The following TCAF2 variants were observed in gnomAD, a reference collection of about 807,000 sequenced individuals.
The protein encoded by TCAF2 is TRPM8 channel associated factor 2.
A neutral mutation model predicts 33.9 loss-of-function variants in TCAF2; 6 were observed. The observed-to-expected ratio is 0.18, with a 90% CI of 0.10 to 0.35. The LOEUF is 0.35. Ranked by LOEUF, TCAF2 falls within the 10% of genes least tolerant of loss-of-function variation. The probability of loss-of-function intolerance (pLI) is 1.00; values close to 1 mark genes in which losing one functional copy is unlikely to be tolerated. For missense variants in TCAF2, 109 were observed against 604.0 expected, an observed-to-expected ratio of 0.18 and a Z score of 8.59; for synonymous variants, 41 against 247.8, an observed-to-expected ratio of 0.17 and a Z score of 7.84.
Position 143,730,330 on chromosome 7 carries a change from G to C in TCAF2, c.*2663G>C, listed in dbSNP as rs1337425597. Reference sequence around the variant, plus strand: ...TGGCATGAGATGGTACCCCATTGTGGTTTTGATTTACATTTCCCTAATGAC... The same window carrying C: ...TGGCATGAGATGGTACCCCATTGTGCTTTTGATTTACATTTCCCTAATGAC... On this transcript the variant is annotated 3_prime_UTR_variant, in exon 8 of 8. Coordinates refer to ENST00000684770, the MANE Select transcript of TCAF2 (RefSeq NM_001363538.2). 6.6e-6 allele frequency: 1 copy of C among 152,042 alleles called. No individual in the cohort carries two copies. The highest frequency in any genetic ancestry group is 1.5e-5 in the Non-Finnish European group (1 of 68,006). 9.4% of individuals were successfully genotyped at this position (152,042 alleles called of 1,614,324 possible). A position where few individuals can be genotyped will look rare whatever the true frequency, so the allele number is the denominator to read the frequency against.
chr7:143,718,461 A>G (rs1024305067), intron 2 of TCAF2, among the ~76,000 whole-genome samples: 1 of 151,862 alleles, frequency 6.6e-6, no homozygotes, highest in African/African-American at 2.4e-5. Context: ...GGTATCCTGG[A>G]ATCTAATTTT....
intron 7 of TCAF2, among the ~76,000 whole-genome samples, chr7:143,725,914 G>A (rs1307693097): frequency 7.0e-6 from 1 of 141,852 alleles, no homozygotes; most frequent in Non-Finnish European, 1.5e-5. Flanking sequence ...CCGTGCCACT[G>A]CTGCCTTAGC....
chr7:143,726,154 C>T (rs2116534913), intron 7 of TCAF2, among the ~76,000 whole-genome samples: 1 of 151,738 alleles, frequency 6.6e-6, no homozygotes, highest in South Asian at 2.1e-4. Context: ...CCTCTAGCTA[C>T]ATCTCCTACT....
chr7:143,701,811 ATTTTATTTTATTT>A (rs1200215455), intron 1 of TCAF2, among the ~76,000 whole-genome samples: 26 of 117,070 alleles, frequency 2.2e-4, no homozygotes, highest in African/African-American at 8.3e-4. Context: ...ATTTTATTTT[ATTTTATTTTATTT>A]TATTTTTTGA....
intron 1 of TCAF2, among the ~76,000 whole-genome samples, chr7:143,647,829 T>C (rs1464650759): frequency 3.0e-4 from 43 of 141,728 alleles, no homozygotes; most frequent in African/African-American, 1.0e-3. Flanking sequence ...ATTTAAGGCA[T>C]ATTTTTTCAC....
chr7:143,707,553 CCATGTGTG>C (rs1809248771), intron 2 of TCAF2, among the ~76,000 whole-genome samples: 1 of 137,620 alleles, frequency 7.3e-6, no homozygotes. Context: ...AGGGAATGAG[CCATGTGTG>C]CATCTGTGGG....
rs1327313717 is a variant in TCAF2, at chr7:143,730,389, C to G, written c.*2722C>G. The stretch of plus-strand genomic sequence containing the variant: ...ATGAGCTTTTTTTCATGTTTATTGG[C>G]CACATAAATGTCTTCTTTTGAGAAG... On this transcript the variant is annotated 3_prime_UTR_variant, in exon 8 of 8. Coordinates refer to ENST00000684770, the MANE Select transcript of TCAF2 (RefSeq NM_001363538.2). The G allele has an allele frequency of 6.6e-6, 1 of 152,114 alleles. No individual in the cohort carries two copies. The highest frequency in any genetic ancestry group is 6.6e-5 in the Admixed American group (1 of 15,254). The allele number at this position is 152,114 out of a possible 1,614,324, so 9.4% of individuals were successfully genotyped here.
In TCAF2 at chr7:143,703,225, TCTC is replaced by T; in HGVS notation, c.235_237del (p.Leu79del). 1.4e-6 allele frequency: 2 copies of T among 1,480,974 alleles called. No individual in the cohort carries two copies. Among genetic ancestry groups the T allele is most frequent in the Non-Finnish European group, 1.8e-6 (2 of 1,124,992 alleles). 91.7% of individuals were successfully genotyped at this position (1,480,974 alleles called of 1,614,324 possible). ...TGTCGCATACTGGCTTGGCTCCATTTCTCCTCAATGCAGTGAGCTGGCTCTGTC... is the reference window on the plus strand; with the variant it reads ...TGTCGCATACTGGCTTGGCTCCATTTCTCAATGCAGTGAGCTGGCTCTGTC... On this transcript the variant is annotated inframe_deletion, in exon 2 of 8. Coordinates refer to ENST00000684770, the MANE Select transcript of TCAF2 (RefSeq NM_001363538.2).
Position 143,724,528 on chromosome 7 carries a change from G to C in TCAF2, c.2336G>C (p.Cys779Ser). ...CCCCCACACACTACTGAGGCCACCT[G>C]TAACCTTTGGTCAGTCTACGTGCAT... ...EFPPHTTEAT[C>S]NLWSVYVHET... The change falls in exon 7 of 8, where the codon TGT (cysteine) becomes TCT (serine). Residue 779 changes from cysteine (C) to serine (S), a missense_variant. Coordinates refer to ENST00000684770, the MANE Select transcript of TCAF2 (RefSeq NM_001363538.2). The C allele has an allele frequency of 6.2e-7, 1 of 1,610,810 alleles. No individual in the cohort carries two copies. The highest frequency in any genetic ancestry group is 8.5e-7 in the Non-Finnish European group (1 of 1,179,376).
intron 1 of TCAF2, among the ~76,000 whole-genome samples, chr7:143,647,798 A>G (rs1809085604): frequency 7.8e-6 from 1 of 128,646 alleles, no homozygotes; most frequent in African/African-American, 2.7e-5. Context: ...TTAGCATGCT[A>G]ATATCATTTA....
At position 143,729,340 on chromosome 7, in the gene TCAF2, G is replaced by T. The variant is rs1324393634; in HGVS notation, c.*1673G>T. 4 of 152,150 alleles carry T rather than the reference G, an allele frequency of 2.6e-5. No individual in the cohort carries two copies. Among genetic ancestry groups the T allele is most frequent in the African/African-American group, 7.2e-5 (3 of 41,430 alleles). 9.4% of individuals were successfully genotyped at this position (152,150 alleles called of 1,614,324 possible). A position where few individuals can be genotyped will look rare whatever the true frequency, so the allele number is the denominator to read the frequency against. On this transcript the variant is annotated 3_prime_UTR_variant, in exon 8 of 8. Coordinates refer to ENST00000684770, the MANE Select transcript of TCAF2 (RefSeq NM_001363538.2). ...TGAAGCCCATAGCAATGAAAACATTGTGGAACTTATTCTTCATGAATGGTT... is the reference window on the plus strand; with the variant it reads ...TGAAGCCCATAGCAATGAAAACATTTTGGAACTTATTCTTCATGAATGGTT...
intron 2 of TCAF2, among the ~76,000 whole-genome samples, chr7:143,718,413 T>A (rs902571352): frequency 2.8e-4 from 42 of 151,476 alleles, no homozygotes; most frequent in Non-Finnish European, 4.7e-4. Flanking sequence ...CTTGGTTTTT[T>A]ATTTTTTTTA....
chr7:143,724,793 A>G (rs1809633922), intron 7 of TCAF2, 96 bp downstream of exon 7: 1 of 1,551,466 alleles, frequency 6.4e-7, no homozygotes, highest in Non-Finnish European at 8.7e-7. Context: ...TCGCCACTCC[A>G]CCAGCCTGGA....
In TCAF2 at chr7:143,729,127, G is replaced by A. The variant is rs1466318438; in HGVS notation, c.*1460G>A. On this transcript the variant is annotated 3_prime_UTR_variant, in exon 8 of 8. Coordinates refer to ENST00000684770, the MANE Select transcript of TCAF2 (RefSeq NM_001363538.2). ...AGTAATGACACCTAACACATAATGA[G>A]TGATTAGTATGTTCCAGGCATTGCG... 1 of 152,166 alleles carries A rather than the reference G, an allele frequency of 6.6e-6. No homozygotes were observed. Among genetic ancestry groups the A allele is most frequent in the Non-Finnish European group, 1.5e-5 (1 of 68,046 alleles). The allele number at this position is 152,166 out of a possible 1,614,324, so 9.4% of individuals were successfully genotyped here. A position where few individuals can be genotyped will look rare whatever the true frequency, so the allele number is the denominator to read the frequency against.
rs748344154 is a variant in TCAF2, at chr7:143,724,605, C to G, written c.2413C>G (p.Pro805Ala). Residue 805 changes from proline to alanine, a missense_variant, in exon 7 of 8, where the codon CCA becomes GCA. Coordinates refer to ENST00000684770, the MANE Select transcript of TCAF2 (RefSeq NM_001363538.2). The part of the protein sequence containing the change: ...RAQAHEALSP[P>A]ERERRIKAHL... ...TCAGGCCCACGAGGCTCTGAGCCCTCCAGAGCGAGAGAGGAGAATCAAGGC... is the reference window on the plus strand; with the variant it reads ...TCAGGCCCACGAGGCTCTGAGCCCTGCAGAGCGAGAGAGGAGAATCAAGGC... The G allele has an allele frequency of 1.9e-6, 3 of 1,610,846 alleles. No individual in the cohort carries two copies. The highest frequency in any genetic ancestry group is 2.5e-6 in the Non-Finnish European group (3 of 1,179,568).
Position 143,703,131 on chromosome 7 carries a change from G to A in TCAF2, c.137G>A (p.Gly46Asp). 1.4e-6 allele frequency: 1 copy of A among 699,110 alleles called. No individual in the cohort carries two copies. Among genetic ancestry groups the A allele is most frequent in the Non-Finnish European group, 2.0e-6 (1 of 493,638 alleles). The allele number at this position is 699,110 out of a possible 1,614,324, so 43.3% of individuals were successfully genotyped here. ...TTCCCCGTGATGGTGAATGACAAGG[G>A]CCAGGTGCTCATTGCTGCCTCCTCC... ...AAFPVMVNDK[G>D]QVLIAASSYG... Residue 46 changes from glycine to aspartate, a missense_variant, in exon 2 of 8, where the codon GGC becomes GAC. Transcript: ENST00000684770.
chr7:143,719,503 C>A (rs1450522357), intron 2 of TCAF2, among the ~76,000 whole-genome samples, 180 bp from the exon 3 acceptor site: 7 of 149,516 alleles, frequency 4.7e-5, no homozygotes, highest in African/African-American at 1.5e-4. Flanking sequence ...AAAAAATATG[C>A]CTTAAACATG....
In TCAF2 at chr7:143,635,023, G is replaced by A. The variant is rs1430343931; in HGVS notation, c.-12+14003G>A. Among the ~76,000 whole-genome samples, 34 of 80,680 alleles carry A rather than the reference G, an allele frequency of 4.2e-4. 2 individuals carry two copies. Among genetic ancestry groups the A allele is most frequent in the African/African-American group, 1.1e-3 (24 of 20,890 alleles). The allele number at this position is 80,680 out of a possible 152,430, so 52.9% of individuals were successfully genotyped here. A position where few individuals can be genotyped will look rare whatever the true frequency, so the allele number is the denominator to read the frequency against. ...ATGTTATAGATCCTAAGAAAACATC[G>A]TTTCTAGATTCTAGTATTTCTGTCC... On this transcript the variant is annotated intron_variant, in intron 1 of 7. Coordinates refer to ENST00000684770, the MANE Select transcript of TCAF2 (RefSeq NM_001363538.2).
rs921495266 is a variant in TCAF2 at position 143,724,639 on chromosome 7, G to A, written c.2447G>A (p.Gly816Glu). The change falls in exon 7 of 8, where the codon GGA becomes GAA. Residue 816 changes from glycine (G) to glutamate (E), a missense_variant. By Grantham distance (98) the Gly-to-Glu change is moderately conservative (BLOSUM62 -2). Transcript: ENST00000684770. ...GAGAGGAGAATCAAGGCCCACCTGG[G>A]AAAGGGAGCCCCCCTGTGTGACTGG... ...ERERRIKAHL[G>E]KGAPLCDWNV... is the part of the protein sequence containing the mutation. 6.2e-7 allele frequency: 1 copy of A among 1,610,394 alleles called. No homozygotes were observed. Among genetic ancestry groups the A allele is most frequent in the Admixed American group, 1.7e-5 (1 of 59,850 alleles).
Sources: allele counts gnomAD v4.1 joint callset (sites outside exome capture counted in the v4.1 genomes callset), GRCh38; gene constraint gnomAD v4.1.1; transcripts MANE v1.5; gene names NCBI Gene and HGNC (gene_info 2026-07-23, HGNC 2026-07-21).